Variants in CTNNA2 observed in about 807,000 individuals in gnomAD.
CTNNA2 encodes the protein catenin alpha-2.
CTNNA2 carries 42 observed loss-of-function variants against 101.0 expected under a neutral mutation model. The ratio of observed to expected loss-of-function variants is 0.42; its 90% CI spans 0.32 to 0.54. CTNNA2 has a LOEUF of 0.54. CTNNA2 is among the 20% of genes least tolerant of loss of function. The probability of loss-of-function intolerance (pLI) is 0.14; values close to 1 mark genes in which losing one functional copy is unlikely to be tolerated. For synonymous variants in CTNNA2, 450 were observed against 456.4 expected, an observed-to-expected ratio of 0.99 and a Z score of 0.18; for missense variants, 871 against 1,223.1, an observed-to-expected ratio of 0.71 and a Z score of 4.29.
intron 4 of CTNNA2, among the ~76,000 whole-genome samples, chr2:79,437,316 G>A (rs1285883121): frequency 6.6e-6 from 1 of 152,030 alleles, no homozygotes; most frequent in South Asian, 2.1e-4. Flanking sequence ...CAAACTGTAA[G>A]TTGCACACAA....
chr2:80,599,622 C>T (rs1023061349), intron 15 of CTNNA2, among the ~76,000 whole-genome samples: 3 of 152,060 alleles, frequency 2.0e-5, no homozygotes, highest in Non-Finnish European at 4.4e-5. Context: ...ACTTTGTGCT[C>T]ATTTAAAGAA....
intron 4 of CTNNA2, among the ~76,000 whole-genome samples, chr2:79,418,179 A>G (rs932964091): frequency 2.6e-5 from 4 of 152,112 alleles, no homozygotes; most frequent in Non-Finnish European, 5.9e-5. Flanking sequence ...AGATATCTCA[A>G]AAGGCCGATC....
chr2:79,943,210 G>A (rs1381622025), intron 7 of CTNNA2, among the ~76,000 whole-genome samples: 1 of 151,986 alleles, frequency 6.6e-6, no homozygotes, highest in African/African-American at 2.4e-5. Flanking sequence ...AAAGCGAGCG[G>A]GGGTGGGGCA....
At chr2:79,412,632 C>T (rs948246413) in intron 4 of CTNNA2, among the ~76,000 whole-genome samples, 1 of 152,026 alleles carries the variant, frequency 6.6e-6, no homozygotes, top group Admixed American at 6.6e-5. Context: ...GAACAACCTG[C>T]TCCTGAATGA....
At chr2:79,471,300 G>A (rs1380384083) in intron 4 of CTNNA2, among the ~76,000 whole-genome samples, 2 of 152,122 alleles carry the variant, frequency 1.3e-5, no homozygotes, top group African/African-American at 4.8e-5. Flanking sequence ...TATAGTCTTA[G>A]TGGCTTATAA....
rs186122026 is a variant in CTNNA2, at chr2:79,335,659, A to T, written c.-318+22863A>T. 2.0e-5 allele frequency among the ~76,000 whole-genome samples: 3 copies of T among 152,330 alleles called. No individual in the cohort carries two copies. The East Asian group carries it at 5.8e-4, about 29-fold the overall frequency. ...CATTCTACGTCTTAGTTACTCCAAAATAGACTCTGACTGGCTCATCTATGT... is the reference window on the plus strand; with the variant it reads ...CATTCTACGTCTTAGTTACTCCAAATTAGACTCTGACTGGCTCATCTATGT... On this transcript the variant is annotated intron_variant, in intron 3 of 21. Coordinates refer to the CTNNA2 transcript ENST00000466387.
chr2:79,629,174 G>C (rs567175823), intron 1 of CTNNA2, among the ~76,000 whole-genome samples: 9 of 152,086 alleles, frequency 5.9e-5, no homozygotes, highest in Non-Finnish European at 1.2e-4. Context: ...CATTTTTCTC[G>C]AAGTTTTTAT....
intron 2 of CTNNA2, among the ~76,000 whole-genome samples, chr2:79,653,391 C>A (rs1397627866): frequency 6.6e-6 from 1 of 152,132 alleles, no homozygotes; most frequent in Admixed American, 6.6e-5. Flanking sequence ...TTCTCAAGAA[C>A]ATTGTGATTT....
rs1337006547 is a variant in CTNNA2 at position 79,829,448 on chromosome 2, T to C, written c.299-28565T>C. Among the ~76,000 whole-genome samples the C allele has an allele frequency of 3.4e-5, 5 of 148,152 alleles. No homozygotes were observed. In the East Asian group the frequency reaches 1.0e-3, roughly 31 times the overall value. On this transcript the variant is annotated intron_variant, in intron 3 of 18. Transcript: ENST00000402739. ...AGCCGGGCGAGATGGCGGGCGCCTG[T>C]AGTCCCAGCTACTCCAGAGGTTGAG...
chr2:79,617,649 A>G (rs1678712579), intron 1 of CTNNA2, among the ~76,000 whole-genome samples: 1 of 152,186 alleles, frequency 6.6e-6, no homozygotes, highest in Admixed American at 6.5e-5. Context: ...TGAATATTTT[A>G]GAAGATTTCA....
At chr2:79,605,055 T>C (rs1019943898) in intron 1 of CTNNA2, among the ~76,000 whole-genome samples, 2 of 151,852 alleles carry the variant, frequency 1.3e-5, no homozygotes, top group Non-Finnish European at 2.9e-5. Flanking sequence ...TCAAAACTAA[T>C]TTTAGAATGG....
chr2:79,216,325 T>C (rs1368436450), intron 2 of CTNNA2, among the ~76,000 whole-genome samples: 4 of 47,938 alleles, frequency 8.3e-5, no homozygotes, highest in Non-Finnish European at 1.5e-4. Flanking sequence ...GAGGCAAGCC[T>C]AGAGAAAAGA....
intron 1 of CTNNA2, among the ~76,000 whole-genome samples, chr2:79,196,065 T>A (rs568199607): frequency 6.6e-6 from 1 of 152,100 alleles, no homozygotes; most frequent in South Asian, 2.1e-4. Context: ...GCCTCCTGAG[T>A]AGCTGGGATT....
chr2:79,678,751 TG>T (rs113336609), intron 2 of CTNNA2, among the ~76,000 whole-genome samples: 2,609 of 152,250 alleles, frequency 0.017, 88 homozygotes, highest in African/African-American at 0.059. Context: ...GACAGAATTG[TG>T]GCCTCAGTGA....
At chr2:80,520,238 G>A (rs1689426407) in intron 9 of CTNNA2, among the ~76,000 whole-genome samples, 1 of 151,868 alleles carries the variant, frequency 6.6e-6, no homozygotes, top group Admixed American at 6.6e-5. Flanking sequence ...AGACATAAAG[G>A]GATCAATAAG....
intron 2 of CTNNA2, among the ~76,000 whole-genome samples, chr2:79,251,353 C>T (rs1015950232): frequency 2.0e-5 from 3 of 152,172 alleles, no homozygotes; most frequent in Non-Finnish European, 4.4e-5. Context: ...CCAGGAACAG[C>T]ATGGGGCAGA....
At chr2:79,367,007 A>T (rs1040799019) in intron 3 of CTNNA2, among the ~76,000 whole-genome samples, 2 of 152,192 alleles carry the variant, frequency 1.3e-5, no homozygotes, top group African/African-American at 2.4e-5. Flanking sequence ...CCTAATCTCC[A>T]ATGTATGTGA....
chr2:80,432,712 A>G (rs2149428542), intron 9 of CTNNA2, among the ~76,000 whole-genome samples: 1 of 152,268 alleles, frequency 6.6e-6, no homozygotes, highest in East Asian at 1.9e-4. Flanking sequence ...TCCCAACCAA[A>G]TGATTCTCTT....
intron 1 of CTNNA2, among the ~76,000 whole-genome samples, chr2:79,546,088 T>C (rs1163691122): frequency 6.6e-6 from 1 of 152,156 alleles, no homozygotes; most frequent in Non-Finnish European, 1.5e-5. Flanking sequence ...TTGCTGTTCT[T>C]AACCATGTTT....
Sources: allele counts gnomAD v4.1 joint callset (sites outside exome capture counted in the v4.1 genomes callset), GRCh38; gene constraint gnomAD v4.1.1; transcripts MANE v1.5; gene names NCBI Gene and HGNC (gene_info 2026-07-23, HGNC 2026-07-21).